SYNCRIP: variants seen among roughly 807,000 people sequenced by gnomAD.
The protein encoded by SYNCRIP is heterogeneous nuclear ribonucleoprotein Q.
In SYNCRIP, 9 loss-of-function variants were observed where a neutral mutation model predicts 68.9. The observed-to-expected ratio is 0.13, with a 90% confidence interval of 0.08 to 0.23. SYNCRIP has a LOEUF of 0.23. SYNCRIP is among the 10% of genes least tolerant of loss of function. The pLI is 1.00. For synonymous variants in SYNCRIP, 258 were observed against 254.0 expected (o/e 1.02, Z -0.15); for missense variants, 414 against 770.6 (o/e 0.54, Z 5.48).
At position 85,614,216 on chromosome 6, in the gene SYNCRIP, C is replaced by T. The variant is rs1167023924; in HGVS notation, c.*540G>A. The T allele has an allele frequency of 2.0e-6, 2 of 985,566 alleles. No individual in the cohort carries two copies. Among genetic ancestry groups the T allele is most frequent in the African/African-American group, 3.5e-5 (2 of 57,210 alleles). The allele number at this position is 985,566 out of a possible 1,614,324, so 61.1% of individuals were successfully genotyped here. A position where few individuals can be genotyped will look rare whatever the true frequency, so the allele number is the denominator to read the frequency against. ...TGTAAACACAATTTTAGTAAGTATA[C>T]ATTTAGGTGTGAATTTTTTATTGAA... On this transcript the variant is annotated 3_prime_UTR_variant, in exon 11 of 11. Coordinates refer to ENST00000369622, the MANE Select transcript of SYNCRIP (RefSeq NM_006372.5).
chr6:85,640,702 C>T, intron 2 of SYNCRIP, 138 bp from the exon 3 acceptor site: 1 of 544,880 alleles, frequency 1.8e-6, no homozygotes, highest in Non-Finnish European at 3.2e-6. Flanking sequence ...AAAAAAAACA[C>T]ACACTTCAGC....
At chr6:85,608,618 A>T (rs1315069756) in exon 12 of SYNCRIP, 2 of 152,178 alleles carry the variant, frequency 1.3e-5, no homozygotes, top group East Asian at 3.9e-4. Context: ...AATAAAACAC[A>T]ATTTAAATAA....
intron 6 of SYNCRIP, among the ~76,000 whole-genome samples, chr6:85,625,055 C>A (rs560510423): frequency 1.3e-5 from 2 of 152,186 alleles, no homozygotes; most frequent in Non-Finnish European, 2.9e-5. Context: ...TTCTATTATG[C>A]CCATCCTTGC....
chr6:85,627,370 G>T (rs908022605), intron 6 of SYNCRIP, among the ~76,000 whole-genome samples: 8 of 151,894 alleles, frequency 5.3e-5, no homozygotes, highest in African/African-American at 1.9e-4. Context: ...ACAAAGTAAG[G>T]AGACTCTGGG....
chr6:85,634,361 T>G (rs975647537), intron 6 of SYNCRIP, among the ~76,000 whole-genome samples: 1 of 152,222 alleles, frequency 6.6e-6, no homozygotes, highest in Non-Finnish European at 1.5e-5. Context: ...TGGTACATTT[T>G]GACGGCAAGA....
rs1409935837 is a variant in SYNCRIP at position 85,635,340 on chromosome 6, C to T, written c.666+1627G>A. On this transcript the variant is annotated intron_variant, in intron 6 of 10. Coordinates refer to ENST00000369622, the MANE Select transcript of SYNCRIP (RefSeq NM_006372.5). ...CTCTTTTATGAAGAGAAAAATCAGA[C>T]ATGATTTGAAAATATCTAAATTCTC... is the stretch of plus-strand genomic sequence containing the variant. 2.0e-5 allele frequency among the ~76,000 whole-genome samples: 3 copies of T among 152,148 alleles called. No individual in the cohort carries two copies. In the East Asian group the frequency reaches 5.8e-4, roughly 29 times the overall value.
chr6:85,635,661 C>T (rs986772170), intron 6 of SYNCRIP, among the ~76,000 whole-genome samples: 1 of 149,356 alleles, frequency 6.7e-6, no homozygotes, highest in Non-Finnish European at 1.5e-5. Flanking sequence ...TCCCAGCTAC[C>T]GGAGAGGCTG....
Position 85,615,071 on chromosome 6 carries a change from A to T in SYNCRIP, c.1557T>A (p.Gly519=), listed in dbSNP as rs1805619301. The T allele has an allele frequency of 1.2e-6, 2 of 1,613,934 alleles. No homozygotes were observed. Among genetic ancestry groups the T allele is most frequent in the Admixed American group, 1.7e-5 (1 of 59,980 alleles). ...SRGRGAAPPR[G]RAGYSQRGGP... ...CTCCTCTCTGTGAATAACCGGCTCT[A>T]CCGCGGGGAGGAGCAGCCCCACGAC... is the stretch of plus-strand genomic sequence containing the variant. The change falls in exon 11 of 11, where the codon GGT becomes GGA. Residue 519 remains glycine, a synonymous_variant. Coordinates refer to ENST00000369622, the MANE Select transcript of SYNCRIP (RefSeq NM_006372.5).
chr6:85,619,673 A>G (rs1158541590), intron 8 of SYNCRIP, among the ~76,000 whole-genome samples: 5 of 152,242 alleles, frequency 3.3e-5, no homozygotes, highest in Admixed American at 2.6e-4. Flanking sequence ...TGCTCAATAT[A>G]ATCTGTCATT....
chr6:85,633,872 T>G (rs926236787), intron 6 of SYNCRIP, among the ~76,000 whole-genome samples: 1 of 152,080 alleles, frequency 6.6e-6, no homozygotes, highest in Non-Finnish European at 1.5e-5. Context: ...TCCTTGCACC[T>G]CAGCCTACCA....
rs776693270 is a variant in SYNCRIP, at chr6:85,614,940, C to T, written c.1688G>A (p.Gly563Glu). The change falls in exon 11 of 11, where the codon GGA (glycine) becomes GAA (glutamate). Residue 563 changes from glycine (G) to glutamate (E), a missense_variant. Transcript: ENST00000369622. ...GTTGTACCCATCAGCTTTGCGCTTT[C>T]CTCCTACATTTCCACCGCGGCCACC... is the stretch of plus-strand genomic sequence containing the variant. ...ARGGRGGNVG[G>E]KRKADGYNQP... 2.5e-6 allele frequency: 4 copies of T among 1,614,000 alleles called. No individual in the cohort carries two copies. The African/African-American group carries it at 4.0e-5, about 16-fold the overall frequency.
At chr6:85,637,987 C>G (rs1808655535) in intron 4 of SYNCRIP, among the ~76,000 whole-genome samples, 1 of 152,226 alleles carries the variant, frequency 6.6e-6, no homozygotes, top group Non-Finnish European at 1.5e-5. Context: ...ATAACCTCTA[C>G]ATTTTAACTC....
chr6:85,633,478 C>T (rs184510835), intron 6 of SYNCRIP, among the ~76,000 whole-genome samples: 10 of 151,840 alleles, frequency 6.6e-5, no homozygotes, highest in African/African-American at 1.4e-4. Context: ...GTAATCCCAG[C>T]TACTCAGGGG....
At chr6:85,620,383 G>C (rs1466245551) in intron 8 of SYNCRIP, among the ~76,000 whole-genome samples, 1 of 152,116 alleles carries the variant, frequency 6.6e-6, no homozygotes, top group African/African-American at 2.4e-5. Context: ...TGACATAGAA[G>C]AACTTTAAAT....
chr6:85,613,799 A>C (rs1384225093), downstream of SYNCRIP, among the ~76,000 whole-genome samples: 2 of 152,198 alleles, frequency 1.3e-5, no homozygotes, highest in East Asian at 3.8e-4. Context: ...TGGTGTGCAA[A>C]ACAGTCAAGA....
chr6:85,639,921 T>A (rs1278995310), intron 4 of SYNCRIP, among the ~76,000 whole-genome samples: 1 of 152,162 alleles, frequency 6.6e-6, no homozygotes. Flanking sequence ...ATTTCAACTG[T>A]CAATAAGCTG....
chr6:85,629,254 C>A (rs1807420433), intron 6 of SYNCRIP, among the ~76,000 whole-genome samples: 1 of 152,180 alleles, frequency 6.6e-6, no homozygotes, highest in African/African-American at 2.4e-5. Flanking sequence ...CTAATCCAGT[C>A]TCCCTTCATC....
At chr6:85,626,470 G>A (rs1268631007) in intron 6 of SYNCRIP, among the ~76,000 whole-genome samples, 1 of 151,636 alleles carries the variant, frequency 6.6e-6, no homozygotes, top group Non-Finnish European at 1.5e-5. Context: ...AATGAGGGGG[G>A]GAACTGGTAT....
At chr6:85,626,559 A>G (rs1050152594) in intron 6 of SYNCRIP, among the ~76,000 whole-genome samples, 3 of 152,210 alleles carry the variant, frequency 2.0e-5, no homozygotes, top group Non-Finnish European at 4.4e-5. Flanking sequence ...CAGAAACTTG[A>G]ATTCTTAGTT....
Sources: gnomAD v4.1 joint callset for allele counts (sites outside exome capture counted in the v4.1 genomes callset) on GRCh38, gnomAD v4.1.1 for gene constraint, MANE v1.5 for transcripts, NCBI Gene and HGNC (gene_info 2026-07-23, HGNC 2026-07-21) for gene names.